The following PNPLA7 variants were observed in gnomAD, a reference collection of about 807,000 sequenced individuals.
The protein encoded by PNPLA7 is patatin like domain 7, lysophospholipase, also known as patatin-like phospholipase domain-containing protein 7.
Under a neutral mutation model 161.7 loss-of-function variants are expected in PNPLA7, and 153 were observed. The ratio of observed to expected loss-of-function variants is 0.95; its 90% CI spans 0.83 to 1.08. The LOEUF is 1.08. PNPLA7 is among the 50% of genes least tolerant of loss of function. PNPLA7 has a pLI of 0.00. For synonymous variants in PNPLA7, 809 were observed against 782.1 expected (o/e 1.03, Z -0.57); for missense variants, 1,739 against 1,856.6 (o/e 0.94, Z 1.16).
At chr9:137,522,969 G>T in intron 8 of PNPLA7, 112 bp from the exon 9 acceptor site, 1 of 1,437,952 alleles carries the variant, frequency 7.0e-7, no homozygotes, top group South Asian at 1.3e-5. Flanking sequence ...CAGTCACACG[G>T]CTCCATTCTC....
intron 17 of PNPLA7, 41 bp downstream of exon 17, chr9:137,498,073 G>A (rs374514767): frequency 6.3e-7 from 1 of 1,595,870 alleles, no homozygotes; most frequent in Non-Finnish European, 8.6e-7. Context: ...CTGCATGCCA[G>A]GGCAGCATGG....
intron 8 of PNPLA7, among the ~76,000 whole-genome samples, chr9:137,533,066 G>A (rs572364307): frequency 6.7e-6 from 1 of 148,982 alleles, no homozygotes; most frequent in South Asian, 2.1e-4. Context: ...CACTCCAGAT[G>A]GGAGCACTCT....
chr9:137,471,194 A>G (rs1315349075), intron 25 of PNPLA7, among the ~76,000 whole-genome samples: 1 of 152,276 alleles, frequency 6.6e-6, no homozygotes, highest in Non-Finnish European at 1.5e-5. Context: ...AATCTACAAC[A>G]AAGCTACAAG....
intron 4 of PNPLA7, among the ~76,000 whole-genome samples, chr9:137,546,390 G>T (rs1200343681): frequency 6.6e-6 from 1 of 152,010 alleles, no homozygotes; most frequent in Non-Finnish European, 1.5e-5. Flanking sequence ...GGTGGTAGTG[G>T]TCCCCAGGAC....
chr9:137,462,694 C>G lies in PNPLA7; in HGVS notation c.3483G>C (p.Thr1161=), dbSNP rs766056386. ...LLWKRWNPLA[T]KVKVLNMAEI... is the part of the protein sequence containing the mutation. ...CCCGGTAGCACCCCACCTTGACTTT[C>G]GTGGCCAAGGGGTTCCAGCGTTTCC... The change falls in exon 30 of 35, where the codon ACG becomes ACC. Residue 1161 remains threonine, a synonymous_variant. Transcript: ENST00000406427. 2 of 1,613,752 alleles carry G rather than the reference C, an allele frequency of 1.2e-6. No homozygotes were observed. Among genetic ancestry groups the G allele is most frequent in the African/African-American group, 1.3e-5 (1 of 75,044 alleles).
rs1831955721 is a variant in PNPLA7 at position 137,476,698 on chromosome 9, A to G, written c.2882+1336T>C. Among the ~76,000 whole-genome samples, 1 of 152,138 alleles carries G rather than the reference A, an allele frequency of 6.6e-6. No individual in the cohort carries two copies. Among genetic ancestry groups the G allele is most frequent in the Non-Finnish European group, 1.5e-5 (1 of 68,010 alleles). On this transcript the variant is annotated intron_variant, in intron 25 of 34. Coordinates refer to ENST00000406427, the MANE Select transcript of PNPLA7 (RefSeq NM_001098537.3). This position sits in a 1 kb window ranked among gnomAD's most constrained non-coding sequence, Gnocchi z 4.5. ...TCTAAGTATTACCTTGATCAAAGCT[A>G]CTTTCTCATTAAAAATGCTGCTGAT...
At chr9:137,513,296 G>A (rs182124089) in intron 12 of PNPLA7, among the ~76,000 whole-genome samples, 17 of 152,198 alleles carry the variant, frequency 1.1e-4, no homozygotes, top group Admixed American at 7.8e-4. Flanking sequence ...TTTGAGACCA[G>A]CCTGGCCAAC....
At chr9:137,491,167 G>T (rs924780223) in intron 20 of PNPLA7, among the ~76,000 whole-genome samples, 2 of 152,164 alleles carry the variant, frequency 1.3e-5, no homozygotes, top group Non-Finnish European at 1.5e-5. Context: ...GCTGAGGGGG[G>T]GGGAATCACT....
intron 11 of PNPLA7, among the ~76,000 whole-genome samples, chr9:137,517,378 C>G (rs575954051): frequency 2.5e-5 from 2 of 79,852 alleles, no homozygotes; most frequent in Non-Finnish European, 4.7e-5. Context: ...CCATCTCCCA[C>G]TCACTCACTC....
intron 12 of PNPLA7, among the ~76,000 whole-genome samples, chr9:137,514,499 G>A (rs1271279929): frequency 7.2e-6 from 1 of 139,234 alleles, no homozygotes; most frequent in African/African-American, 2.7e-5. Context: ...CGGGTCACCT[G>A]ACTGTTGAGG....
In PNPLA7 at chr9:137,479,068, G is replaced by C; in HGVS notation, c.2751C>G (p.Ser917Arg). The change falls in exon 24 of 35, where the codon AGC becomes AGG. Residue 917 changes from serine (S) to arginine (R), a missense_variant. Coordinates refer to ENST00000406427, the MANE Select transcript of PNPLA7 (RefSeq NM_001098537.3). The stretch of plus-strand genomic sequence containing the variant: ...CTCCCCGCCTCACCAGCTTGGGCAG[G>C]CTCCTCCTGGAGAAGACGCGGCGCG... ...CCPRRVFSRR[S>R]LPKLVEMYKH... 6.3e-7 allele frequency: 1 copy of C among 1,587,436 alleles called. No individual in the cohort carries two copies. Among genetic ancestry groups the C allele is most frequent in the Non-Finnish European group, 8.6e-7 (1 of 1,164,906 alleles).
chr9:137,460,554 C>A, intron 34 of PNPLA7, 78 bp from the exon 35 acceptor site: 2 of 1,598,548 alleles, frequency 1.3e-6, no homozygotes, highest in Non-Finnish European at 1.7e-6. Flanking sequence ...GGTGGGACCA[C>A]AGGGAGGGAG....
At chr9:137,509,577 G>A (rs1834106838) in intron 12 of PNPLA7, 1 of 326,224 alleles carries the variant, frequency 3.1e-6, no homozygotes. Flanking sequence ...TTTAACTGGT[G>A]TGAGTGAGTT....
At chr9:137,477,443 A>G (rs1419545324) in intron 25 of PNPLA7, among the ~76,000 whole-genome samples, 1 of 151,962 alleles carries the variant, frequency 6.6e-6, no homozygotes, top group Non-Finnish European at 1.5e-5. Context: ...CAAAGGGCCA[A>G]CAAGCAACCG....
chr9:137,503,935 GA>G (rs1564325405), intron 14 of PNPLA7, among the ~76,000 whole-genome samples: 15 of 35,202 alleles, frequency 4.3e-4, no homozygotes, highest in South Asian at 1.1e-3. Context: ...GAAGGAAGAA[GA>G]AGAAGGAAGA....
At chr9:137,485,604 C>T (rs950793381) in intron 20 of PNPLA7, among the ~76,000 whole-genome samples, 1 of 152,278 alleles carries the variant, frequency 6.6e-6, no homozygotes, top group African/African-American at 2.4e-5. Context: ...ACGGGCTAGA[C>T]ATCAATAGGC....
intron 8 of PNPLA7, among the ~76,000 whole-genome samples, chr9:137,528,706 C>CT (rs566053018): frequency 1.8e-3 from 261 of 141,594 alleles, no homozygotes; most frequent in Middle Eastern, 4.2e-3. Flanking sequence ...TTCTTCCAGC[C>CT]TTTTTTTTTT....
Position 137,480,169 on chromosome 9 carries a change from A to G in PNPLA7, c.2580+143T>C, listed in dbSNP as rs1390396061. 6 of 1,248,022 alleles carry G rather than the reference A, an allele frequency of 4.8e-6. No individual in the cohort carries two copies. In the African/African-American group the frequency reaches 7.6e-5, roughly 16 times the overall value. The allele number at this position is 1,248,022 out of a possible 1,614,324, so 77.3% of individuals were successfully genotyped here. ...GTCAATACAGCACCGTGTTTTTAAA[A>G]CATGGGTAGCAGATATCTGAGTGTT... On this transcript the variant is annotated intron_variant, in intron 23 of 34. Transcript: ENST00000406427.
intron 8 of PNPLA7, among the ~76,000 whole-genome samples, chr9:137,527,119 T>G (rs1303304744): frequency 6.6e-6 from 1 of 152,006 alleles, no homozygotes; most frequent in African/African-American, 2.4e-5. Flanking sequence ...ATACAAAAAT[T>G]AGCCGGGTGT....
Sources: gnomAD v4.1 joint callset for allele counts (sites outside exome capture counted in the v4.1 genomes callset) on GRCh38, gnomAD v4.1.1 for gene constraint, Gnocchi (gnomAD v3.1) non-coding constraint, MANE v1.5 for transcripts, NCBI Gene and HGNC (gene_info 2026-07-23, HGNC 2026-07-21) for gene names.